SV2C: variants seen among roughly 807,000 people sequenced by gnomAD.
SV2C encodes the protein solute carrier family 22 member B3.
SV2C carries 49 observed loss-of-function variants against 79.7 expected under a neutral mutation model. That is an observed-to-expected ratio of 0.61 (90% CI 0.49 to 0.78). The LOEUF (loss-of-function observed/expected upper bound fraction) is 0.78. SV2C is among the 30% of genes least tolerant of loss of function. The pLI is 0.00. For synonymous variants in SV2C, 334 were observed against 333.2 expected, an observed-to-expected ratio of 1.00 and a Z score of -0.03; for missense variants, 833 against 912.9, an observed-to-expected ratio of 0.91 and a Z score of 1.13.
At chr5:75,971,475 A>T in the SV2C span, among the ~76,000 whole-genome samples, 10 of 152,120 alleles carry the variant, frequency 6.6e-5, no homozygotes, top group African/African-American at 2.4e-4. Flanking sequence ...ACTTCAGCAA[A>T]GTCTCAGGAT....
At chr5:76,096,022 G>T (rs1223646419) in intron 1 of SV2C, among the ~76,000 whole-genome samples, 2 of 152,088 alleles carry the variant, frequency 1.3e-5, no homozygotes, top group African/African-American at 2.4e-5. Flanking sequence ...TTACATCTCT[G>T]CCTGCTTTTA....
intron 4 of SV2C, among the ~76,000 whole-genome samples, chr5:76,215,064 T>A (rs1033199426): frequency 1.2e-4 from 18 of 152,236 alleles, no homozygotes; most frequent in Non-Finnish European, 2.2e-4. Context: ...TGAATAGAAA[T>A]GACAAGAGTC....
intron 12 of SV2C, among the ~76,000 whole-genome samples, chr5:76,346,164 C>T (rs1749533317): frequency 6.6e-6 from 1 of 152,136 alleles, no homozygotes; most frequent in African/African-American, 2.4e-5. Context: ...TCCTATCATT[C>T]TATAGTATTT....
the SV2C span, among the ~76,000 whole-genome samples, chr5:76,013,709 G>C: frequency 6.6e-6 from 1 of 152,108 alleles, no homozygotes; most frequent in South Asian, 2.1e-4. Flanking sequence ...GTATATTCAA[G>C]TATGTAAATA....
chr5:76,059,978 A>G, the SV2C span, among the ~76,000 whole-genome samples: 2 of 152,144 alleles, frequency 1.3e-5, no homozygotes, highest in Non-Finnish European at 2.9e-5. Context: ...GCTTTTGGGT[A>G]ACTAGGTGCA....
In SV2C at chr5:76,328,361, T is replaced by C. The variant is rs1290699839; in HGVS notation, c.*2814T>C. On this transcript the variant is annotated 3_prime_UTR_variant, in exon 13 of 13. Coordinates refer to ENST00000502798, the MANE Select transcript of SV2C (RefSeq NM_014979.4). ...TCTAACTAAAATTTCCCTGTTGCTC[T>C]TTGGAATCAATCCAGAATGCTCCCA... 6.6e-6 allele frequency: 1 copy of C among 152,246 alleles called. No homozygotes were observed. The highest frequency in any genetic ancestry group is 1.5e-5 in the Non-Finnish European group (1 of 68,038). The allele number at this position is 152,246 out of a possible 1,614,324, so 9.4% of individuals were successfully genotyped here. A position where few individuals can be genotyped will look rare whatever the true frequency, so the allele number is the denominator to read the frequency against.
the SV2C span, among the ~76,000 whole-genome samples, chr5:75,898,860 G>T: frequency 6.6e-6 from 1 of 152,208 alleles, no homozygotes; most frequent in African/African-American, 2.4e-5. Flanking sequence ...TTGCGTAGAG[G>T]TGTTTGTAGT....
intron 1 of SV2C, among the ~76,000 whole-genome samples, chr5:76,130,549 TG>T (rs1748852162): frequency 6.6e-6 from 1 of 152,112 alleles, no homozygotes; most frequent in African/African-American, 2.4e-5. Context: ...GAGTTAATGA[TG>T]GGGGAGAAAG....
At chr5:76,218,547 T>A (rs1407136242) in intron 4 of SV2C, among the ~76,000 whole-genome samples, 1 of 151,648 alleles carries the variant, frequency 6.6e-6, no homozygotes, top group African/African-American at 2.4e-5. Context: ...TAAGTGGGAG[T>A]TGAACAATGA....
At chr5:76,352,940 C>CTTT (rs556688242) in intron 12 of SV2C, among the ~76,000 whole-genome samples, 4 of 136,536 alleles carry the variant, frequency 2.9e-5, no homozygotes, top group East Asian at 2.2e-4. Context: ...ATTTTTACCT[C>CTTT]TTTTTTTTTT....
intron 1 of SV2C, among the ~76,000 whole-genome samples, chr5:76,130,857 T>A (rs1275700305): frequency 1.3e-5 from 2 of 151,616 alleles, no homozygotes; most frequent in Non-Finnish European, 2.9e-5. Context: ...TATCCAGAGA[T>A]GAAGAAAATA....
In SV2C at chr5:76,299,695, T is replaced by TAG. The variant is rs1747915649; in HGVS notation, c.1636+769_1636+770dup. The stretch of plus-strand genomic sequence containing the variant: ...TTAGTGCTCAGACAAGGGCTCTGCC[T>TAG]AGCTCCAAAGAAGAATGAGGTCAGG... On this transcript the variant is annotated intron_variant, in intron 10 of 12. Transcript: ENST00000502798. Among the ~76,000 whole-genome samples the TAG allele has an allele frequency of 2.0e-5, 3 of 152,358 alleles. No homozygotes were observed. In the South Asian group the frequency reaches 6.2e-4, roughly 32 times the overall value.
chr5:76,352,617 G>A (rs168679), intron 12 of SV2C, among the ~76,000 whole-genome samples: 70,633 of 152,118 alleles, frequency 0.46, 17,102 homozygotes, highest in African/African-American at 0.57. Flanking sequence ...TCAGCCTTCA[G>A]AACTGTAAGA....
chr5:76,200,506 G>A (rs1024379648), intron 3 of SV2C, among the ~76,000 whole-genome samples: 28 of 152,192 alleles, frequency 1.8e-4, no homozygotes, highest in Non-Finnish European at 3.8e-4. Flanking sequence ...AGGTTTACCT[G>A]TCTGTGTGTT....
At chr5:76,056,467 T>C in the SV2C span, among the ~76,000 whole-genome samples, 1 of 152,110 alleles carries the variant, frequency 6.6e-6, no homozygotes, top group South Asian at 2.1e-4. Flanking sequence ...TTTGGTTGCA[T>C]CTCTGCCAGG....
intron 12 of SV2C, among the ~76,000 whole-genome samples, chr5:76,305,342 T>G (rs929838842): frequency 2.0e-5 from 3 of 152,208 alleles, no homozygotes; most frequent in African/African-American, 7.2e-5. Context: ...CACATCTTCT[T>G]CTACTCAGAG....
At chr5:76,146,704 C>G (rs1749433653) in intron 2 of SV2C, among the ~76,000 whole-genome samples, 1 of 147,582 alleles carries the variant, frequency 6.8e-6, no homozygotes, top group African/African-American at 2.5e-5. Flanking sequence ...AGCTCCTATT[C>G]AAGACCGAGT....
the SV2C span, among the ~76,000 whole-genome samples, chr5:75,899,372 A>C: frequency 6.6e-6 from 1 of 152,084 alleles, no homozygotes; most frequent in South Asian, 2.1e-4. Flanking sequence ...CATGTAGTTG[A>C]GTGGTTTTGA....
chr5:75,888,416 A>G, the SV2C span, among the ~76,000 whole-genome samples: 1 of 151,748 alleles, frequency 6.6e-6, no homozygotes. Flanking sequence ...CCAATTACCC[A>G]ACCTCATTTC....
Sources: allele counts gnomAD v4.1 joint callset (sites outside exome capture counted in the v4.1 genomes callset), GRCh38; gene constraint gnomAD v4.1.1; transcripts MANE v1.5; gene names NCBI Gene and HGNC (gene_info 2026-07-23, HGNC 2026-07-21).